ZNF721: variants seen among roughly 807,000 people sequenced by gnomAD.
ZNF721 encodes zinc finger protein 721.
ZNF721 carries 2 observed loss-of-function variants against 2.4 expected under a neutral mutation model. The ratio of observed to expected loss-of-function variants is 0.82; its 90% CI spans 0.34 to 2.58. The LOEUF (loss-of-function observed/expected upper bound fraction) is 2.58. Ranked by LOEUF, ZNF721 falls within the 30% of genes most tolerant of loss-of-function variation. ZNF721 has a pLI of 0.11. For synonymous variants in ZNF721, 398 were observed against 381.8 expected, an observed-to-expected ratio of 1.04 and a Z score of -0.50; for missense variants, 1,187 against 1,085.5, an observed-to-expected ratio of 1.09 and a Z score of -1.31.
intron 1 of ZNF721, among the ~76,000 whole-genome samples, chr4:485,344 C>G (rs539396340): frequency 3.3e-5 from 5 of 151,952 alleles, no homozygotes; most frequent in African/African-American, 1.2e-4. Context: ...CAATTTCTTA[C>G]AGCAAAGTCC....
At chr4:477,015 CTTGT>C (rs1381203334) in intron 1 of ZNF721, among the ~76,000 whole-genome samples, 1 of 152,094 alleles carries the variant, frequency 6.6e-6, no homozygotes, top group South Asian at 2.1e-4. Context: ...TGGCCTTTTT[CTTGT>C]TTGTTTTTCC....
At chr4:465,241 G>A (rs2108706427) in intron 2 of ZNF721, among the ~76,000 whole-genome samples, 1 of 152,174 alleles carries the variant, frequency 6.6e-6, no homozygotes, top group African/African-American at 2.4e-5. Flanking sequence ...AAAAAACTTA[G>A]CTGGACCTGG....
At chr4:482,246 C>G (rs1474430054) in intron 1 of ZNF721, among the ~76,000 whole-genome samples, 1 of 152,216 alleles carries the variant, frequency 6.6e-6, no homozygotes, top group Non-Finnish European at 1.5e-5. Flanking sequence ...TCACTGCAAC[C>G]TCCATCTTCC....
chr4:468,438 G>GA (rs782103377), intron 2 of ZNF721, among the ~76,000 whole-genome samples: 2,706 of 141,182 alleles, frequency 0.019, 23 homozygotes, highest in Middle Eastern at 0.038. Flanking sequence ...ACAAAAAAAA[G>GA]AAAAAAAAAA....
intron 2 of ZNF721, among the ~76,000 whole-genome samples, chr4:465,318 T>C (rs1715209898): frequency 6.6e-6 from 1 of 152,022 alleles, no homozygotes; most frequent in South Asian, 2.1e-4. Context: ...TATTGGAGAG[T>C]TGAGGCCGAA....
At chr4:456,649 T>C (rs571384619) in intron 2 of ZNF721, among the ~76,000 whole-genome samples, 160 of 152,186 alleles carry the variant, frequency 1.1e-3, no homozygotes, top group Admixed American at 2.0e-3. Context: ...GAGAGGCCAA[T>C]GTGGGCGGAT....
At chr4:485,172 G>A (rs1386591820) in intron 1 of ZNF721, among the ~76,000 whole-genome samples, 6 of 152,032 alleles carry the variant, frequency 3.9e-5, no homozygotes, top group Non-Finnish European at 7.4e-5. Flanking sequence ...CACGCCCAGC[G>A]AGTATTGTTT....
chr4:474,775 C>A (rs757503409), intron 1 of ZNF721, among the ~76,000 whole-genome samples: 17 of 152,072 alleles, frequency 1.1e-4, no homozygotes, highest in Admixed American at 6.5e-5. Context: ...ACTCATGAAG[C>A]TGAGACAGGA....
At chr4:444,568 A>G (rs1308337843) in intron 2 of ZNF721, 136 bp from the exon 3 acceptor site, 2 of 907,504 alleles carry the variant, frequency 2.2e-6, no homozygotes, top group Non-Finnish European at 3.2e-6. Context: ...CTTCACATAT[A>G]CATGTAACAA....
intron 1 of ZNF721, among the ~76,000 whole-genome samples, chr4:483,885 CA>C (rs1553869874): frequency 6.6e-6 from 1 of 152,172 alleles, no homozygotes; most frequent in East Asian, 1.9e-4. Flanking sequence ...GATCTCAGCT[CA>C]CTGCAACCTC....
At chr4:477,696 T>G (rs1715668015) in intron 1 of ZNF721, among the ~76,000 whole-genome samples, 1 of 151,994 alleles carries the variant, frequency 6.6e-6, no homozygotes, top group Non-Finnish European at 1.5e-5. Context: ...GAAAGAAAAT[T>G]TCATGCTCCA....
chr4:461,218 A>C (rs1435780382), intron 2 of ZNF721, among the ~76,000 whole-genome samples: 3 of 152,192 alleles, frequency 2.0e-5, no homozygotes, highest in African/African-American at 4.8e-5. Flanking sequence ...CTGGCAAACC[A>C]AATGAATCCA....
intron 1 of ZNF721, among the ~76,000 whole-genome samples, chr4:481,123 T>G (rs1553869402): frequency 1.3e-5 from 2 of 152,178 alleles, no homozygotes; most frequent in Non-Finnish European, 2.9e-5. Flanking sequence ...GGTCTCACTA[T>G]GTTGCTCAGG....
chr4:456,049 T>A (rs1032801119), intron 2 of ZNF721, among the ~76,000 whole-genome samples: 14 of 142,618 alleles, frequency 9.8e-5, no homozygotes, highest in Non-Finnish European at 2.0e-4. Context: ...ACCAAAAAAA[T>A]TTTTATTTAT....
At chr4:457,057 A>C (rs1714871205) in intron 2 of ZNF721, among the ~76,000 whole-genome samples, 3 of 152,208 alleles carry the variant, frequency 2.0e-5, no homozygotes, top group Admixed American at 2.0e-4. Context: ...TACTTAATGA[A>C]GATCTGGCAT....
chr4:473,590 TC>T (rs1715531758), intron 1 of ZNF721, among the ~76,000 whole-genome samples: 1 of 151,816 alleles, frequency 6.6e-6, no homozygotes, highest in South Asian at 2.1e-4. Context: ...CATTAATGAG[TC>T]CCCGTTTGCT....
At chr4:460,157 C>CTTA (rs1715016189) in intron 2 of ZNF721, among the ~76,000 whole-genome samples, 2 of 152,318 alleles carry the variant, frequency 1.3e-5, no homozygotes, top group Middle Eastern at 3.4e-3. Flanking sequence ...CTCGGCACCA[C>CTTA]ATCGCACTTA....
In ZNF721 at chr4:442,471, C is replaced by G. The variant is rs1553863369; in HGVS notation, c.1996G>C (p.Glu666Gln). ...CACTCTTCACATTTGTAACTTTGCT[C>G]TCCAGTAAGAATTTTCGTGTGTTGA... ...LNQHTKILTGEQSYKCEECGK... is the reference protein window; with the variant it reads ...LNQHTKILTGQQSYKCEECGK... The change falls in exon 3 of 3, where the codon GAG (glutamate) becomes CAG (glutamine). Residue 666 changes from glutamate (E) to glutamine (Q), a missense_variant. Physicochemically the swap from Glu to Gln is conservative, Grantham distance 29. Transcript: ENST00000511833. The G allele has an allele frequency of 1.2e-6, 2 of 1,612,898 alleles. No homozygotes were observed. The highest frequency in any genetic ancestry group is 2.2e-5 in the South Asian group (2 of 91,012).
chr4:447,012 G>A (rs575036689), intron 2 of ZNF721, among the ~76,000 whole-genome samples: 3 of 152,174 alleles, frequency 2.0e-5, no homozygotes, highest in South Asian at 4.1e-4. Flanking sequence ...AATGCAACTC[G>A]TTTTTACCAG....
Sources: allele counts gnomAD v4.1 joint callset (sites outside exome capture counted in the v4.1 genomes callset), GRCh38; gene constraint gnomAD v4.1.1; transcripts MANE v1.5; gene names NCBI Gene and HGNC (gene_info 2026-07-23, HGNC 2026-07-21).